Variants in RIF1 observed in about 807,000 individuals in gnomAD.
RIF1 encodes the protein telomere-associated protein RIF1.
Under a neutral mutation model 247.1 loss-of-function variants are expected in RIF1, and 45 were observed. The ratio of observed to expected loss-of-function variants is 0.18; its 90% CI spans 0.14 to 0.23. RIF1 has a LOEUF of 0.23. Among genes scored for constraint, RIF1 ranks in the 10% least tolerant of loss-of-function variants. The pLI is 1.00. For missense variants in RIF1, 2,967 were observed against 2,862.5 expected, an observed-to-expected ratio of 1.04 and a Z score of -0.83; for synonymous variants, 1,087 against 978.8, an observed-to-expected ratio of 1.11 and a Z score of -2.06.
chr2:151,441,870 G>T, intron 15 of RIF1, 35 bp from the exon 16 acceptor site: 1 of 957,792 alleles, frequency 1.0e-6, no homozygotes, highest in Non-Finnish European at 1.6e-6. Flanking sequence ...ATATTTTTAC[G>T]GCTAATTTAC....
chr2:151,526,331 C>G, the RIF1 span: 1 of 1,052,784 alleles, frequency 9.5e-7, no homozygotes, highest in Non-Finnish European at 1.4e-6. Flanking sequence ...ATTACACCCT[C>G]AAACCAGTAG....
At chr2:151,487,747 C>T (rs1260332532) in intron 9 of RIF1, among the ~76,000 whole-genome samples, 2 of 151,908 alleles carry the variant, frequency 1.3e-5, no homozygotes, top group Non-Finnish European at 2.9e-5. Context: ...TGTGTTTAAA[C>T]TTATTTTATA....
chr2:151,469,935 A>C (rs1286652557), intron 34 of RIF1, 71 bp downstream of exon 34: 6 of 1,135,516 alleles, frequency 5.3e-6, no homozygotes, highest in Non-Finnish European at 7.4e-6. Context: ...GAAGTTTGTT[A>C]AAAGATCACT....
rs1384470035 is a variant in RIF1 at position 151,469,744 on chromosome 2, G to A, written c.6975G>A (p.Lys2325=). ...ARGLGQLIRA[K]NIKTIGDLST... ...GCCTGGGACAACTCATTAGAGCTAA[G>A]AATATAAAAACTATTGGTGATTTGA... Residue 2325 remains lysine (K), a synonymous_variant, in exon 34 of 36, where the codon AAG becomes AAA. Transcript: ENST00000444746. 2 of 1,604,982 alleles carry A rather than the reference G, an allele frequency of 1.2e-6. No individual in the cohort carries two copies. The highest frequency in any genetic ancestry group is 2.2e-5 in the East Asian group (1 of 44,636).
At chr2:151,430,059 C>T (rs528326111) in intron 9 of RIF1, among the ~76,000 whole-genome samples, 157 of 150,054 alleles carry the variant, frequency 1.0e-3, no homozygotes, top group Non-Finnish European at 1.8e-3. Flanking sequence ...TTCGCTCTGT[C>T]GTCCAGGCTG....
At chr2:151,521,858 G>T in the RIF1 span, among the ~76,000 whole-genome samples, 1 of 152,112 alleles carries the variant, frequency 6.6e-6, no homozygotes, top group Non-Finnish European at 1.5e-5. Flanking sequence ...AGCACTTTTG[G>T]CCTTCCTTTT....
chr2:151,441,390 A>G (rs1293829893), intron 15 of RIF1, among the ~76,000 whole-genome samples: 1 of 152,202 alleles, frequency 6.6e-6, no homozygotes. Flanking sequence ...AAAACATAGA[A>G]ATAGCCCCAA....
Position 151,468,565 on chromosome 2 carries a change from T to C in RIF1, c.6825+14T>C. ...AAGAAGTGTTTAGTAAGAAGTGCTT[T>C]AGTTTTCATGTCACTTTATATTTTC... On this transcript the variant is annotated intron_variant, in intron 32 of 35. Transcript: ENST00000444746. 2 of 1,608,056 alleles carry C rather than the reference T, an allele frequency of 1.2e-6. No individual in the cohort carries two copies. The highest frequency in any genetic ancestry group is 1.7e-6 in the Non-Finnish European group (2 of 1,174,474).
At chr2:151,497,206 G>A (rs2060804564) in intron 10 of RIF1, 1 of 751,508 alleles carries the variant, frequency 1.3e-6, no homozygotes. Context: ...GAAGTTGTTG[G>A]GATGGGGAAT....
rs1559018868 is a variant in RIF1 at position 151,464,809 on chromosome 2, A to G, written c.5289A>G (p.Lys1763=). 1.2e-6 allele frequency: 2 copies of G among 1,614,008 alleles called. No homozygotes were observed. The highest frequency in any genetic ancestry group is 8.5e-7 in the Non-Finnish European group (1 of 1,179,970). Residue 1763 remains lysine, a synonymous_variant, in exon 30 of 36, where the codon AAA becomes AAG. Coordinates refer to ENST00000444746, the MANE Select transcript of RIF1 (RefSeq NM_018151.5). The part of the protein sequence containing the change: ...ENNDVEISET[K]KADVQAPVSP... ...ATGACGTAGAGATTAGTGAAACAAAAAAGGCAGATGTGCAAGCACCTGTAA... is the reference window on the plus strand; with the variant it reads ...ATGACGTAGAGATTAGTGAAACAAAGAAGGCAGATGTGCAAGCACCTGTAA...
chr2:151,493,821 G>A, intron 9 of RIF1: 1 of 1,588,556 alleles, frequency 6.3e-7, no homozygotes, highest in Non-Finnish European at 8.6e-7. Flanking sequence ...CATCTCAGGA[G>A]TAAAGGGTGT....
At chr2:151,474,805 T>A in intron 35 of RIF1, 52 bp from the exon 36 acceptor site, 5 of 1,066,950 alleles carry the variant, frequency 4.7e-6, no homozygotes, top group Admixed American at 2.2e-5. Context: ...ATGTAAAAAA[T>A]TTAATTTTTG....
chr2:151,457,466 T>C (rs983623130), intron 23 of RIF1, among the ~76,000 whole-genome samples: 2 of 152,216 alleles, frequency 1.3e-5, no homozygotes, highest in Non-Finnish European at 2.9e-5. Context: ...ATGATGGCGA[T>C]TGGACCCAAA....
chr2:151,423,070 C>T (rs930959151), intron 8 of RIF1, 28 bp downstream of exon 8: 1 of 1,153,874 alleles, frequency 8.7e-7, no homozygotes, highest in Non-Finnish European at 1.3e-6. Context: ...GAACAGTCAA[C>T]AGTTTTTACA....
At chr2:151,411,634 C>T (rs577550362) in intron 3 of RIF1, among the ~76,000 whole-genome samples, 3 of 152,280 alleles carry the variant, frequency 2.0e-5, no homozygotes, top group African/African-American at 7.2e-5. Context: ...CTCCCGACCT[C>T]AGGTGATCCG....
intron 35 of RIF1, 147 bp downstream of exon 35, chr2:151,474,219 T>G (rs1007002177): frequency 1.3e-5 from 8 of 597,202 alleles, no homozygotes; most frequent in African/African-American, 7.6e-5. Flanking sequence ...ACTAACCGAT[T>G]GGACATCAAA....
chr2:151,446,387 A>G lies in RIF1; in HGVS notation c.2095-39A>G, dbSNP rs375217870. 1.9e-6 allele frequency: 3 copies of G among 1,559,460 alleles called. No individual in the cohort carries two copies. The Admixed American group carries it at 5.1e-5, about 27-fold the overall frequency. ...ATTCTATAAACTTTGATAGATAGGTATATATTAACAAAACTTCTTTTTTTG... is the reference window on the plus strand; with the variant it reads ...ATTCTATAAACTTTGATAGATAGGTGTATATTAACAAAACTTCTTTTTTTG... On this transcript the variant is annotated intron_variant, in intron 19 of 35. Transcript: ENST00000444746.
intron 4 of RIF1, among the ~76,000 whole-genome samples, chr2:151,415,263 C>T (rs962714590): frequency 7.3e-5 from 11 of 151,408 alleles, no homozygotes; most frequent in African/African-American, 2.2e-4. Flanking sequence ...AGGAGAATGA[C>T]GTGAACCCGG....
chr2:151,485,524 A>C (rs776986554), downstream of RIF1: 1 of 373,824 alleles, frequency 2.7e-6, no homozygotes, highest in Non-Finnish European at 4.8e-6. Flanking sequence ...ATGTTAAAAC[A>C]TGTTTATAAT....
Sources: gnomAD v4.1 joint callset for allele counts (sites outside exome capture counted in the v4.1 genomes callset) on GRCh38, gnomAD v4.1.1 for gene constraint, MANE v1.5 for transcripts, NCBI Gene and HGNC (gene_info 2026-07-23, HGNC 2026-07-21) for gene names.